MARCHF2: variants seen among roughly 807,000 people sequenced by gnomAD.
The protein encoded by MARCHF2 is E3 ubiquitin-protein ligase MARCHF2.
A neutral mutation model predicts 24.0 loss-of-function variants in MARCHF2; 22 were observed. The ratio of observed to expected loss-of-function variants is 0.92; its 90% CI spans 0.66 to 1.31. The LOEUF (loss-of-function observed/expected upper bound fraction) is 1.31, where lower values mean the gene tolerates loss of function less well. Among genes scored for constraint, MARCHF2 ranks in the 50% most tolerant of loss-of-function variants. The pLI, the probability that MARCHF2 is intolerant of heterozygous loss-of-function variation, is 0.00. For synonymous variants in MARCHF2, 154 were observed against 153.0 expected (o/e 1.01, Z -0.05); for missense variants, 301 against 335.3 (o/e 0.90, Z 0.80).
At position 8,438,664 on chromosome 19, in the gene MARCHF2, G is replaced by A. The variant is rs1967797533; in HGVS notation, c.*118G>A. On this transcript the variant is annotated 3_prime_UTR_variant, in exon 5 of 5. Transcript: ENST00000215555. ...TCAACAGTTCCCGCACGGCCTGAAC[G>A]CTTCTTAGGCCAAGAGACACCATGC... 4 of 1,060,058 alleles carry A rather than the reference G, an allele frequency of 3.8e-6. No homozygotes were observed. Among genetic ancestry groups the A allele is most frequent in the Admixed American group, 2.6e-5 (1 of 38,524 alleles). The allele number at this position is 1,060,058 out of a possible 1,614,324, so 65.7% of individuals were successfully genotyped here.
In MARCHF2 at chr19:8,438,387, G is replaced by C; in HGVS notation, c.583-1G>C. The C allele has an allele frequency of 6.2e-7, 1 of 1,613,302 alleles. No homozygotes were observed. Among genetic ancestry groups the C allele is most frequent in the Non-Finnish European group, 8.5e-7 (1 of 1,180,022 alleles). ...CCGCTCACTGCAGGGCTGCCCCACA[G>C]GTCTCCTTCCGCTACCACTGCCAGC... On this transcript the variant is annotated splice_acceptor_variant, in intron 4 of 4. Coordinates refer to ENST00000215555, the MANE Select transcript of MARCHF2 (RefSeq NM_001005415.2). LOFTEE classifies it high-confidence loss of function.
At chr19:8,436,221 G>A (rs958187673) in intron 4 of MARCHF2, among the ~76,000 whole-genome samples, 3 of 151,598 alleles carry the variant, frequency 2.0e-5, no homozygotes, top group Admixed American at 6.6e-5. Context: ...TGCAACTTCC[G>A]CCTCCTGGGT....
chr19:8,425,353 T>C (rs954752298), intron 2 of MARCHF2, among the ~76,000 whole-genome samples: 1 of 150,058 alleles, frequency 6.7e-6, no homozygotes, highest in Admixed American at 6.7e-5. Context: ...TGAGCTGATA[T>C]CACACCACTG....
At position 8,419,822 on chromosome 19, in the gene MARCHF2, A is replaced by AAAAT. The variant is rs1299374905; in HGVS notation, c.-52-1947_-52-1944dup. Among the ~76,000 whole-genome samples the AAAAT allele has an allele frequency of 2.9e-3, 398 of 139,080 alleles. 15 individuals are homozygous for AAAAT. The highest frequency in any genetic ancestry group is 0.01 in the African/African-American group (367 of 36,082). 91.2% of individuals were successfully genotyped at this position (139,080 alleles called of 152,430 possible). ...AAGAGCAAGACTCCGTCTCAAAAAA[A>AAAAT]AAATAAATAAATAAATAAATAAAAA... On this transcript the variant is annotated intron_variant, in intron 1 of 4. Transcript: ENST00000215555.
chr19:8,434,081 C>CTTTTT (rs750325194), intron 4 of MARCHF2, among the ~76,000 whole-genome samples: 24 of 105,960 alleles, frequency 2.3e-4, no homozygotes, highest in Non-Finnish European at 2.8e-4. Flanking sequence ...ACCAGCATTT[C>CTTTTT]TTTTTTTTTT....
At chr19:8,424,904 G>A (rs2145552198) in intron 2 of MARCHF2, among the ~76,000 whole-genome samples, 1 of 152,208 alleles carries the variant, frequency 6.6e-6, no homozygotes, top group South Asian at 2.1e-4. Context: ...GGTGCGTGCT[G>A]TTCTATTTTC....
In MARCHF2 at chr19:8,413,318, G is replaced by T. The variant is rs1568232760; in HGVS notation, c.-155G>T. The T allele has an allele frequency of 6.6e-6, 1 of 151,936 alleles. No homozygotes were observed. The highest frequency in any genetic ancestry group is 1.9e-4 in the East Asian group (1 of 5,188). The allele number at this position is 151,936 out of a possible 1,614,324, so 9.4% of individuals were successfully genotyped here. ...CGGGCGGTGCCCGGACGCAGGTGCC[G>T]GCCGGAGCGGAGCTAGTGGCGCCGA... On this transcript the variant is annotated 5_prime_UTR_variant, in exon 1 of 5. Transcript: ENST00000215555.
intron 4 of MARCHF2, among the ~76,000 whole-genome samples, chr19:8,433,350 C>T (rs1009440017): frequency 2.6e-5 from 4 of 151,678 alleles, no homozygotes; most frequent in Middle Eastern, 3.2e-3. Flanking sequence ...CAAGACCAGC[C>T]TGAGAAACAT....
chr19:8,426,741 C>T lies in MARCHF2; in HGVS notation c.309C>T (p.Thr103=), dbSNP rs1316565581. 1 of 1,612,866 alleles carries T rather than the reference C, an allele frequency of 6.2e-7. No individual in the cohort carries two copies. The highest frequency in any genetic ancestry group is 1.7e-5 in the Admixed American group (1 of 60,002). Residue 103 remains threonine (T), a synonymous_variant, in exon 3 of 5, where the codon ACC becomes ACT. Coordinates refer to ENST00000215555, the MANE Select transcript of MARCHF2 (RefSeq NM_001005415.2). ...AGAAGTGGCTTTCCTCATCTAACAC[C>T]AGCTACTGCGAGCTGTGCCACACGG... The part of the protein sequence containing the change: ...CLEKWLSSSN[T]SYCELCHTEF...
chr19:8,432,057 T>C (rs990064768), intron 4 of MARCHF2, among the ~76,000 whole-genome samples: 4 of 151,176 alleles, frequency 2.6e-5, no homozygotes, highest in African/African-American at 7.3e-5. Flanking sequence ...ACTAGGGAAG[T>C]TGAGGCAGGA....
At chr19:8,429,190 C>G (rs1967506181) in intron 3 of MARCHF2, among the ~76,000 whole-genome samples, 1 of 151,996 alleles carries the variant, frequency 6.6e-6, no homozygotes, top group Non-Finnish European at 1.5e-5. Flanking sequence ...TCCTTCTGTT[C>G]ATTCCGTTCT....
intron 1 of MARCHF2, among the ~76,000 whole-genome samples, chr19:8,417,635 G>A (rs950230613): frequency 1.3e-5 from 2 of 151,424 alleles, no homozygotes; most frequent in African/African-American, 2.4e-5. Context: ...ATGGGGTTTT[G>A]CCATGTTGGC....
chr19:8,420,586 T>C, intron 1 of MARCHF2, among the ~76,000 whole-genome samples: 1 of 141,440 alleles, frequency 7.1e-6, no homozygotes, highest in Non-Finnish European at 1.5e-5. Context: ...TCTGGAAAGG[T>C]GATATTAGTT....
chr19:8,417,050 T>C (rs1051157152), intron 1 of MARCHF2, among the ~76,000 whole-genome samples: 1 of 152,088 alleles, frequency 6.6e-6, no homozygotes, highest in Non-Finnish European at 1.5e-5. Flanking sequence ...CATTAAGAGA[T>C]TTACCTGTGG....
At chr19:8,423,283 C>T (rs557780255) in intron 2 of MARCHF2, 3 of 151,608 alleles carry the variant, frequency 2.0e-5, no homozygotes, top group African/African-American at 7.3e-5. Flanking sequence ...TCAGGCTGGT[C>T]TCCTGACCTC....
intron 4 of MARCHF2, among the ~76,000 whole-genome samples, chr19:8,436,829 T>TA (rs1294517227): frequency 6.6e-6 from 1 of 151,814 alleles, no homozygotes; most frequent in Non-Finnish European, 1.5e-5. Context: ...TAGCTGGAAT[T>TA]ACAGGCACCC....
chr19:8,432,682 C>G (rs886994292), intron 4 of MARCHF2, among the ~76,000 whole-genome samples: 16 of 151,432 alleles, frequency 1.1e-4, no homozygotes, highest in Admixed American at 5.9e-4. Flanking sequence ...TCCCAGCTAC[C>G]TGGGAGGCTG....
intron 4 of MARCHF2, among the ~76,000 whole-genome samples, chr19:8,432,793 A>G (rs1967616230): frequency 2.0e-5 from 3 of 152,058 alleles, no homozygotes. Context: ...CCAGTATCAA[A>G]AAAAGATAAA....
intron 4 of MARCHF2, among the ~76,000 whole-genome samples, chr19:8,436,687 T>TC (rs1967732709): frequency 6.9e-6 from 1 of 144,936 alleles, no homozygotes; most frequent in African/African-American, 2.6e-5. Context: ...CTTTTTTTTT[T>TC]TTTTTTTTTT....
Sources: gnomAD v4.1 joint callset for allele counts (sites outside exome capture counted in the v4.1 genomes callset) on GRCh38, gnomAD v4.1.1 for gene constraint, MANE v1.5 for transcripts, NCBI Gene and HGNC (gene_info 2026-07-23, HGNC 2026-07-21) for gene names.